ST7: variants seen among roughly 807,000 people sequenced by gnomAD.
The protein encoded by ST7 is suppressor of tumorigenicity 7 protein.
ST7 carries 28 observed loss-of-function variants against 78.7 expected under a neutral mutation model. That is an observed-to-expected ratio of 0.36 (90% CI 0.26 to 0.49). The LOEUF is 0.49. Ranked by LOEUF, ST7 falls within the 20% of genes least tolerant of loss-of-function variation. The probability of loss-of-function intolerance (pLI) is 0.99; values close to 1 mark genes in which losing one functional copy is unlikely to be tolerated. For synonymous variants in ST7, 247 were observed against 249.6 expected, an observed-to-expected ratio of 0.99 and a Z score of 0.10; for missense variants, 418 against 696.0, an observed-to-expected ratio of 0.60 and a Z score of 4.49.
At chr7:117,046,439 T>C (rs962577937) in intron 1 of ST7, among the ~76,000 whole-genome samples, 1 of 152,114 alleles carries the variant, frequency 6.6e-6, no homozygotes, top group African/African-American at 2.4e-5. Context: ...TTCTGCTTGG[T>C]GAATCTATGC....
intron 6 of ST7, among the ~76,000 whole-genome samples, chr7:117,132,759 C>T (rs1231029535): frequency 6.6e-6 from 1 of 151,562 alleles, no homozygotes; most frequent in Non-Finnish European, 1.5e-5. Flanking sequence ...TTCTGTCATG[C>T]AACATATTTA....
intron 12 of ST7, among the ~76,000 whole-genome samples, chr7:117,193,964 G>A (rs1810033801): frequency 6.6e-6 from 1 of 152,144 alleles, no homozygotes; most frequent in South Asian, 2.1e-4. Context: ...TACCTTCGGA[G>A]GGCTACTCTT....
At chr7:117,071,957 G>T (rs1409345526) in intron 1 of ST7, 1 of 152,236 alleles carries the variant, frequency 6.6e-6, no homozygotes, top group Non-Finnish European at 1.5e-5. Flanking sequence ...CGTGGTATAA[G>T]AGTGAGGGAT....
At chr7:116,979,958 CTTTTTTTTT>C (rs745530832) in intron 1 of ST7, among the ~76,000 whole-genome samples, 1 of 86,240 alleles carries the variant, frequency 1.2e-5, no homozygotes, top group Admixed American at 2.0e-4. Context: ...TTTTGTTTCT[CTTTTTTTTT>C]TTTTTTTTGG....
intron 2 of ST7, among the ~76,000 whole-genome samples, chr7:117,107,318 C>A (rs907103115): frequency 1.1e-4 from 17 of 152,072 alleles, no homozygotes; most frequent in Non-Finnish European, 2.4e-4. Context: ...GGTAGATGTA[C>A]TTTTAGTTCT....
intron 1 of ST7, among the ~76,000 whole-genome samples, chr7:117,042,905 T>C (rs1797303966): frequency 6.6e-6 from 1 of 152,146 alleles, no homozygotes; most frequent in Non-Finnish European, 1.5e-5. Context: ...ATGTTAACTG[T>C]ATAATATATT....
chr7:117,201,617 G>A (rs11980583), intron 12 of ST7, among the ~76,000 whole-genome samples: 7,012 of 151,394 alleles, frequency 0.046, 513 homozygotes, highest in African/African-American at 0.15. Flanking sequence ...GGAATGCAGT[G>A]GTGCTATCAT....
intron 1 of ST7, among the ~76,000 whole-genome samples, chr7:117,069,020 A>G (rs1483288129): frequency 6.6e-6 from 1 of 152,238 alleles, no homozygotes; most frequent in East Asian, 1.9e-4. Context: ...CTAGCACGTG[A>G]TACTAGTCAA....
At chr7:116,974,766 A>AC (rs1477661472) in intron 1 of ST7, among the ~76,000 whole-genome samples, 1 of 152,140 alleles carries the variant, frequency 6.6e-6, no homozygotes, top group Non-Finnish European at 1.5e-5. Flanking sequence ...TAAATCCTCT[A>AC]CCAAAGTCAT....
intron 1 of ST7, among the ~76,000 whole-genome samples, chr7:117,058,650 A>C (rs978909573): frequency 2.0e-5 from 3 of 152,152 alleles, no homozygotes; most frequent in African/African-American, 7.2e-5. Context: ...AATGTAGAAA[A>C]ATTTTACTCA....
intron 1 of ST7, among the ~76,000 whole-genome samples, chr7:117,099,066 C>CAAAAAAAAAAA (rs55999217): frequency 1.1e-5 from 1 of 94,538 alleles, no homozygotes; most frequent in Non-Finnish European, 2.0e-5. Flanking sequence ...AAAAAAAAAA[C>CAAAAAAAAAAA]AAAAAAAAAA....
At chr7:117,216,654 G>A (rs574182723) in intron 13 of ST7, among the ~76,000 whole-genome samples, 3 of 152,234 alleles carry the variant, frequency 2.0e-5, no homozygotes, top group South Asian at 4.1e-4. Flanking sequence ...CCTCTCTCTG[G>A]ACCTCCCCTG....
At position 116,953,709 on chromosome 7, in the gene ST7, G is replaced by A. The variant is rs781183397; in HGVS notation, c.151+18G>A. 7.0e-7 allele frequency: 1 copy of A among 1,427,004 alleles called. No individual in the cohort carries two copies. The highest frequency in any genetic ancestry group is 9.4e-7 in the Non-Finnish European group (1 of 1,069,206). The allele number at this position is 1,427,004 out of a possible 1,614,324, so 88.4% of individuals were successfully genotyped here. A position where few individuals can be genotyped will look rare whatever the true frequency, so the allele number is the denominator to read the frequency against. Reference sequence around the variant, plus strand: ...GAGCACAGGTAAGGCCTGGGAGCCGGGCCCGCGGCGCCCACCCCTCCCCCG... The same window carrying A: ...GAGCACAGGTAAGGCCTGGGAGCCGAGCCCGCGGCGCCCACCCCTCCCCCG... On this transcript the variant is annotated intron_variant, in intron 1 of 15. Transcript: ENST00000323984.
intron 1 of ST7, among the ~76,000 whole-genome samples, chr7:116,970,116 C>CA (rs143823862): frequency 4.6e-5 from 7 of 151,810 alleles, no homozygotes; most frequent in East Asian, 1.9e-4. Flanking sequence ...ACAAAAACAA[C>CA]AAAAAAAGGA....
chr7:117,039,708 T>C (rs1205974892), intron 1 of ST7, among the ~76,000 whole-genome samples: 1 of 152,242 alleles, frequency 6.6e-6, no homozygotes, highest in Non-Finnish European at 1.5e-5. Flanking sequence ...TAAAAATTTA[T>C]GTTTTTTATG....
At chr7:116,953,739 G>A (rs200586105) in intron 1 of ST7, 48 bp downstream of exon 1, 2 of 1,274,372 alleles carry the variant, frequency 1.6e-6, no homozygotes, top group Non-Finnish European at 2.1e-6. Context: ...CCCCCGCCCC[G>A]GAAAGTTAGT....
intron 1 of ST7, among the ~76,000 whole-genome samples, chr7:117,097,724 T>C (rs1801162346): frequency 6.6e-6 from 1 of 150,462 alleles, no homozygotes; most frequent in Non-Finnish European, 1.5e-5. Context: ...TTGGCAGTTA[T>C]AAGCTGTAGG....
At chr7:117,049,588 A>G (rs1208566252) in intron 1 of ST7, among the ~76,000 whole-genome samples, 4 of 152,322 alleles carry the variant, frequency 2.6e-5, no homozygotes, top group East Asian at 3.9e-4. Flanking sequence ...CACCCACATA[A>G]AAGCTGCATT....
chr7:117,008,492 C>A (rs1249490508), intron 1 of ST7, among the ~76,000 whole-genome samples: 2 of 152,036 alleles, frequency 1.3e-5, no homozygotes, highest in African/African-American at 4.8e-5. Context: ...CCCATGATTT[C>A]CATTTTTATA....
Sources: gnomAD v4.1 joint callset for allele counts (sites outside exome capture counted in the v4.1 genomes callset) on GRCh38, gnomAD v4.1.1 for gene constraint, MANE v1.5 for transcripts, NCBI Gene and HGNC (gene_info 2026-07-23, HGNC 2026-07-21) for gene names.